Variants in JUP observed in about 807,000 individuals in gnomAD.
JUP encodes the protein catenin (cadherin-associated protein), gamma 80kDa.
In JUP, 28 loss-of-function variants were observed where a neutral mutation model predicts 71.1. The ratio of observed to expected loss-of-function variants is 0.39; its 90% CI spans 0.29 to 0.54. The LOEUF is 0.54. JUP is among the 20% of genes least tolerant of loss of function. The probability of loss-of-function intolerance (pLI) is 0.62; values close to 1 mark genes in which losing one functional copy is unlikely to be tolerated. For synonymous variants in JUP, 401 were observed against 438.9 expected (o/e 0.91, Z 1.08); for missense variants, 869 against 1,030.1 (o/e 0.84, Z 2.14).
In JUP at chr17:41,767,383, C is replaced by T. The variant is rs570714124; in HGVS notation, c.905G>A (p.Ser302Asn). The T allele has an allele frequency of 2.5e-6, 4 of 1,614,080 alleles. No individual in the cohort carries two copies. Among genetic ancestry groups the T allele is most frequent in the Non-Finnish European group, 3.4e-6 (4 of 1,179,990 alleles). ...GGAGAGTTGGGGAGGGCCCACCTTG[C>T]TCTCCTGGTTGCCGTAGGCCAGGAG... ...LQLLAYGNQESKLIILANGGP... is the reference protein window; with the variant it reads ...LQLLAYGNQENKLIILANGGP... The change falls in exon 5 of 14, where the codon AGC (serine) becomes AAC (asparagine). Residue 302 changes from serine to asparagine, a missense_variant. Ser to Asn is a conservative substitution (Grantham distance 46, BLOSUM62 1). Coordinates refer to ENST00000393931, the MANE Select transcript of JUP (RefSeq NM_002230.4).
Position 41,767,514 on chromosome 17 carries a change from C to T in JUP, c.774G>A (p.Glu258=). Residue 258 remains glutamate, a synonymous_variant, in exon 5 of 14, where the codon GAG becomes GAA. Transcript: ENST00000393931. ...TTLHNLLLYQ[E]GAKMAVRLAD... ...CCAGGCGCACGGCCATCTTGGCGCC[C>T]TCCTGGTACAGGAGCAGGTTGTGCA... is the stretch of plus-strand genomic sequence containing the variant. 1 of 1,613,892 alleles carries T rather than the reference C, an allele frequency of 6.2e-7. No homozygotes were observed.
In JUP at chr17:41,757,801, TGGGAAGCAGGGGAGAGG is replaced by T. The variant is rs1567801903; in HGVS notation, c.1774-34_1774-18del. The T allele has an allele frequency of 1.3e-6, 2 of 1,598,970 alleles. No homozygotes were observed. The highest frequency in any genetic ancestry group is 2.3e-5 in the South Asian group (2 of 88,568). The stretch of plus-strand genomic sequence containing the variant: ...GTACAGGAGCTGGGGAGAGGGGACG[TGGGAAGCAGGGGAGAGG>T]TGGAAAGGGGTGAGGCAGGCCGGAC... On this transcript the variant is annotated intron_variant, in intron 10 of 13. Transcript: ENST00000393931.
At position 41,771,806 on chromosome 17, in the gene JUP, G is replaced by A. The variant is rs782409726; in HGVS notation, c.49C>T (p.Gln17Ter). 1 of 1,613,962 alleles carries A rather than the reference G, an allele frequency of 6.2e-7. No individual in the cohort carries two copies. Among genetic ancestry groups the A allele is most frequent in the South Asian group, 1.1e-5 (1 of 91,058 alleles). The part of the protein sequence containing the change: ...MEQPIKVTEW[Q>*]QTYTYDSGIH... Reference sequence around the variant, plus strand: ...CCCGAGTCGTAGGTGTATGTCTGCTGCCACTCAGTCACCTTGATAGGCTGC... The same window carrying A: ...CCCGAGTCGTAGGTGTATGTCTGCTACCACTCAGTCACCTTGATAGGCTGC... The change falls in exon 2 of 14, where the codon CAG becomes TAG. Residue 17 changes from glutamine to a stop codon, truncating the protein, a stop_gained. Coordinates refer to ENST00000393931, the MANE Select transcript of JUP (RefSeq NM_002230.4). LOFTEE classifies it high-confidence loss of function.
chr17:41,771,781 C>T lies in JUP; in HGVS notation c.74G>A (p.Gly25Asp). 3 of 1,613,684 alleles carry T rather than the reference C, an allele frequency of 1.9e-6. No homozygotes were observed. The highest frequency in any genetic ancestry group is 2.5e-6 in the Non-Finnish European group (3 of 1,179,952). Reference protein sequence around the residue: ...EWQQTYTYDSGIHSGANTCVP... With the variant: ...EWQQTYTYDSDIHSGANTCVP... Reference sequence around the variant, plus strand: ...GCAGGTGTTGGCGCCCGAGTGGATACCCGAGTCGTAGGTGTATGTCTGCTG... The same window carrying T: ...GCAGGTGTTGGCGCCCGAGTGGATATCCGAGTCGTAGGTGTATGTCTGCTG... The change falls in exon 2 of 14, where the codon GGT becomes GAT. Residue 25 changes from glycine to aspartate, a missense_variant. Physicochemically the swap from Gly to Asp is moderately conservative, Grantham distance 94. Coordinates refer to ENST00000393931, the MANE Select transcript of JUP (RefSeq NM_002230.4).
intron 1 of JUP, among the ~76,000 whole-genome samples, chr17:41,776,572 G>C (rs1217434318): frequency 2.0e-5 from 3 of 152,124 alleles, no homozygotes; most frequent in African/African-American, 7.2e-5. Flanking sequence ...AAAGAAATTA[G>C]CCGGGCATGG....
intron 1 of JUP, among the ~76,000 whole-genome samples, chr17:41,784,361 C>G (rs1426167333): frequency 6.6e-6 from 1 of 152,152 alleles, no homozygotes. Context: ...GGGGCTTGAT[C>G]TAGCAAGAAA....
chr17:41,764,664 G>T, intron 7 of JUP, 49 bp downstream of exon 7: 1 of 1,484,360 alleles, frequency 6.7e-7, no homozygotes, highest in South Asian at 1.1e-5. Flanking sequence ...ACAGGAGGCT[G>T]GATGGGGCAG....
intron 1 of JUP, 65 bp from the exon 2 acceptor site, chr17:41,771,927 C>T (rs1555607232): frequency 1.4e-5 from 18 of 1,328,226 alleles, no homozygotes; most frequent in East Asian, 2.5e-5. Context: ...AGCTTCAGCC[C>T]GTCACCAAGC....
At chr17:41,756,038 A>G in intron 13 of JUP, 137 bp downstream of exon 13, 1 of 1,327,156 alleles carries the variant, frequency 7.5e-7, no homozygotes, top group Non-Finnish European at 1.1e-6. Flanking sequence ...CAGGGCATCT[A>G]GACTGGGGTA....
intron 12 of JUP, 83 bp downstream of exon 12, chr17:41,757,332 A>C: frequency 2.1e-6 from 3 of 1,411,124 alleles, no homozygotes; most frequent in Non-Finnish European, 3.0e-6. Flanking sequence ...AGTTGACAGT[A>C]GTAGGAGACC....
At chr17:41,771,088 G>C (rs1050789347) in intron 2 of JUP, among the ~76,000 whole-genome samples, 1 of 152,192 alleles carries the variant, frequency 6.6e-6, no homozygotes, top group Non-Finnish European at 1.5e-5. Context: ...GGAGTGCAGT[G>C]GCGCAATCTC....
intron 1 of JUP, among the ~76,000 whole-genome samples, chr17:41,778,756 A>G (rs1292033289): frequency 7.0e-6 from 1 of 143,022 alleles, no homozygotes; most frequent in African/African-American, 2.6e-5. Context: ...CTAAAAATAT[A>G]AAAAATTAGC....
In JUP at chr17:41,757,411, TCA is replaced by T; in HGVS notation, c.2046+2_2046+3del. ...ACTACTGTGGTCCAACCTAGGATAC[TCA>T]CAGCCTCCCAGGCAGCCGGGTCATG... On this transcript the variant is annotated splice_donor_variant and splice_donor_region_variant and intron_variant, in intron 12 of 13. Transcript: ENST00000393931. LOFTEE classifies it high-confidence loss of function. The T allele has an allele frequency of 6.2e-7, 1 of 1,614,194 alleles. No individual in the cohort carries two copies. The highest frequency in any genetic ancestry group is 8.5e-7 in the Non-Finnish European group (1 of 1,180,022).
At chr17:41,780,864 G>T (rs1555610103) in intron 1 of JUP, among the ~76,000 whole-genome samples, 1 of 151,870 alleles carries the variant, frequency 6.6e-6, no homozygotes, top group African/African-American at 2.4e-5. Flanking sequence ...GACCAATATG[G>T]TGAAACCCCG....
At chr17:41,767,773 T>C (rs746460316) in intron 4 of JUP, among the ~76,000 whole-genome samples, 193 bp from the exon 5 acceptor site, 50 of 152,136 alleles carry the variant, frequency 3.3e-4, no homozygotes, top group Non-Finnish European at 5.0e-4. Flanking sequence ...GCACCTCTCT[T>C]CTCCCAACTG....
intron 7 of JUP, among the ~76,000 whole-genome samples, chr17:41,764,172 T>C (rs1555602856): frequency 6.6e-6 from 1 of 152,218 alleles, no homozygotes; most frequent in African/African-American, 2.4e-5. Context: ...CATTTTTCCT[T>C]AAATTGTATT....
intron 8 of JUP, 146 bp from the exon 9 acceptor site, chr17:41,759,016 G>T: frequency 1.3e-6 from 1 of 769,394 alleles, no homozygotes; most frequent in Non-Finnish European, 2.0e-6. Flanking sequence ...CAGAGAAGGA[G>T]ACCATCCCAG....
At chr17:41,770,792 C>G (rs918655289) in intron 2 of JUP, among the ~76,000 whole-genome samples, 2 of 152,204 alleles carry the variant, frequency 1.3e-5, no homozygotes, top group African/African-American at 4.8e-5. Context: ...GTCACTCATC[C>G]CACAGCCTTG....
At position 41,772,912 on chromosome 17, in the gene JUP, T is replaced by A; in HGVS notation, c.-8-1050A>T. 4 of 985,494 alleles carry A rather than the reference T, an allele frequency of 4.1e-6. No individual in the cohort carries two copies. In the South Asian group the frequency reaches 1.9e-4, roughly 46 times the overall value. The allele number at this position is 985,494 out of a possible 1,614,324, so 61.0% of individuals were successfully genotyped here. The stretch of plus-strand genomic sequence containing the variant: ...GGCTCCACTGTCCTGGGAACTGACC[T>A]GCAGAGGTCAGAGGCTGCGGGGAGA... On this transcript the variant is annotated intron_variant, in intron 1 of 13. Transcript: ENST00000393931.
Sources: allele counts gnomAD v4.1 joint callset (sites outside exome capture counted in the v4.1 genomes callset), GRCh38; gene constraint gnomAD v4.1.1; transcripts MANE v1.5; gene names NCBI Gene and HGNC (gene_info 2026-07-23, HGNC 2026-07-21).